Variants in GHR observed in about 807,000 individuals in gnomAD.
The protein encoded by GHR is growth hormone receptor.
A neutral mutation model predicts 67.1 loss-of-function variants in GHR; 35 were observed. The ratio of observed to expected loss-of-function variants is 0.52; its 90% CI spans 0.40 to 0.69. The LOEUF is 0.69. Among genes scored for constraint, GHR ranks in the 30% least tolerant of loss-of-function variants. The pLI is 0.00. For synonymous variants in GHR, 272 were observed against 269.1 expected, an observed-to-expected ratio of 1.01 and a Z score of -0.10; for missense variants, 792 against 764.6, an observed-to-expected ratio of 1.04 and a Z score of -0.42.
intron 1 of GHR, among the ~76,000 whole-genome samples, chr5:42,513,922 A>T (rs1310068883): frequency 1.3e-5 from 2 of 152,220 alleles, no homozygotes; most frequent in African/African-American, 4.8e-5. Flanking sequence ...GACTGCAAAC[A>T]TTAATGGGTT....
At chr5:42,590,959 A>T (rs781504681) in intron 2 of GHR, among the ~76,000 whole-genome samples, 1 of 152,252 alleles carries the variant, frequency 6.6e-6, no homozygotes, top group Non-Finnish European at 1.5e-5. Flanking sequence ...GCACAGTAAA[A>T]TATGAACAGG....
intron 1 of GHR, among the ~76,000 whole-genome samples, chr5:42,494,311 G>A (rs1746232282): frequency 6.6e-6 from 1 of 152,030 alleles, no homozygotes; most frequent in Non-Finnish European, 1.5e-5. Flanking sequence ...ATAAGTTCTT[G>A]CCTCCCTATT....
At chr5:42,639,002 A>T (rs1481653442) in intron 3 of GHR, among the ~76,000 whole-genome samples, 1 of 152,154 alleles carries the variant, frequency 6.6e-6, no homozygotes, top group Admixed American at 6.5e-5. Context: ...CGACTGTAAT[A>T]GTGTAAAGTA....
At chr5:42,695,227 A>G (rs1757617306) in intron 5 of GHR, 138 bp downstream of exon 5, 2 of 705,698 alleles carry the variant, frequency 2.8e-6, no homozygotes, top group South Asian at 1.5e-5. Context: ...TTTACAGGAG[A>G]TGGGATCAGC....
chr5:42,443,954 TATAG>T lies in GHR; in HGVS notation c.-12+20007_-12+20010del, dbSNP rs1311866839. Among the ~76,000 whole-genome samples, 398 of 146,196 alleles carry T rather than the reference TATAG, an allele frequency of 2.7e-3. 1 individual carries two copies. The highest frequency in any genetic ancestry group is 9.5e-3 in the African/African-American group (363 of 38,086). On this transcript the variant is annotated intron_variant, in intron 1 of 9. Coordinates refer to ENST00000230882, the MANE Select transcript of GHR (RefSeq NM_000163.5). ...CCAGCCAAGGTGATATAGATATAGA[TATAG>T]ATAGATATAGATATAGATATAGATA...
intron 2 of GHR, among the ~76,000 whole-genome samples, chr5:42,594,088 C>T (rs56410109): frequency 0.054 from 8,184 of 152,210 alleles, 304 homozygotes; most frequent in Non-Finnish European, 0.079. Flanking sequence ...TGGCTCTCCA[C>T]GAATTTTGTC....
intron 1 of GHR, among the ~76,000 whole-genome samples, chr5:42,540,183 TTCTCTCTCTCTCTC>T (rs57962722): frequency 5.5e-5 from 8 of 144,398 alleles, no homozygotes; most frequent in African/African-American, 1.8e-4. Context: ...TGTTACTGTA[TTCTCTCTCTCTCTC>T]TCTCTCTCTC....
At chr5:42,573,477 A>G (rs1750451371) in intron 2 of GHR, among the ~76,000 whole-genome samples, 1 of 151,992 alleles carries the variant, frequency 6.6e-6, no homozygotes, top group African/African-American at 2.4e-5. Context: ...TCCGAACCCC[A>G]TGCACCAGTC....
chr5:42,438,493 G>A (rs1743431523), intron 1 of GHR, among the ~76,000 whole-genome samples: 3 of 152,160 alleles, frequency 2.0e-5, no homozygotes. Flanking sequence ...TGGCTTTAGC[G>A]ACTAGGTCAT....
At chr5:42,510,356 A>T (rs1311555619) in intron 1 of GHR, among the ~76,000 whole-genome samples, 1 of 152,086 alleles carries the variant, frequency 6.6e-6, no homozygotes, top group Non-Finnish European at 1.5e-5. Flanking sequence ...ATATCATCTC[A>T]TGCATCTACT....
At chr5:42,709,089 T>A (rs890364987) in intron 6 of GHR, among the ~76,000 whole-genome samples, 1 of 152,152 alleles carries the variant, frequency 6.6e-6, no homozygotes. Context: ...GTCGCTTGCA[T>A]CAGGAATTCA....
chr5:42,689,170 T>C, intron 4 of GHR, 151 bp downstream of exon 4: 1 of 793,168 alleles, frequency 1.3e-6, no homozygotes, highest in East Asian at 2.6e-5. Flanking sequence ...AAAATATTAA[T>C]CAAGCCCATC....
chr5:42,666,572 G>T (rs1755990734), intron 3 of GHR, among the ~76,000 whole-genome samples: 1 of 151,984 alleles, frequency 6.6e-6, no homozygotes, highest in South Asian at 2.1e-4. Context: ...TAATTAAAAT[G>T]GAATAAAATT....
chr5:42,455,877 T>C (rs1317464635), intron 1 of GHR, among the ~76,000 whole-genome samples: 3 of 152,232 alleles, frequency 2.0e-5, no homozygotes, highest in Non-Finnish European at 4.4e-5. Flanking sequence ...AAGACTTAGA[T>C]CTGTGTTCTT....
chr5:42,608,265 G>A (rs190268944), intron 2 of GHR, among the ~76,000 whole-genome samples: 5 of 152,164 alleles, frequency 3.3e-5, no homozygotes, highest in South Asian at 2.1e-4. Context: ...ACTAGACCAC[G>A]TTTATATAGG....
At chr5:42,637,780 C>CT (rs1754274523) in intron 3 of GHR, among the ~76,000 whole-genome samples, 1 of 152,050 alleles carries the variant, frequency 6.6e-6, no homozygotes, top group African/African-American at 2.4e-5. Flanking sequence ...TGCGTGTGTC[C>CT]TTTTTGTAGA....
chr5:42,433,613 C>T (rs770414037), intron 1 of GHR, among the ~76,000 whole-genome samples: 13 of 151,476 alleles, frequency 8.6e-5, no homozygotes, highest in Non-Finnish European at 1.8e-4. Context: ...ATGAAAAGTT[C>T]ATTAGAGACT....
chr5:42,698,817 A>G (rs926893712), intron 5 of GHR, among the ~76,000 whole-genome samples: 4 of 152,134 alleles, frequency 2.6e-5, no homozygotes, highest in Non-Finnish European at 4.4e-5. Context: ...AGTGATTTTC[A>G]AAACCCTCAG....
At chr5:42,594,438 C>T (rs541633200) in intron 2 of GHR, among the ~76,000 whole-genome samples, 1 of 152,164 alleles carries the variant, frequency 6.6e-6, no homozygotes, top group Admixed American at 6.5e-5. Flanking sequence ...CTTCCTATCA[C>T]TTCTTGGAGC....
Sources: allele counts gnomAD v4.1 joint callset (sites outside exome capture counted in the v4.1 genomes callset), GRCh38; gene constraint gnomAD v4.1.1; transcripts MANE v1.5; gene names NCBI Gene and HGNC (gene_info 2026-07-23, HGNC 2026-07-21).